The following RMND5A variants were observed in gnomAD, a reference collection of about 807,000 sequenced individuals.
RMND5A encodes the protein E3 ubiquitin-protein transferase RMND5A.
Under a neutral mutation model 49.7 loss-of-function variants are expected in RMND5A, and 17 were observed. That is an observed-to-expected ratio of 0.34 (90% CI 0.23 to 0.51). The LOEUF (loss-of-function observed/expected upper bound fraction) is 0.51, where lower values mean the gene tolerates loss of function less well. Ranked by LOEUF, RMND5A falls within the 20% of genes least tolerant of loss-of-function variation. The probability of loss-of-function intolerance (pLI) is 0.96; values close to 1 mark genes in which losing one functional copy is unlikely to be tolerated. For synonymous variants in RMND5A, 156 were observed against 167.7 expected, an observed-to-expected ratio of 0.93 and a Z score of 0.54; for missense variants, 255 against 471.3, an observed-to-expected ratio of 0.54 and a Z score of 4.25.
rs1313986530 is a variant in RMND5A at position 86,777,079 on chromosome 2, G to T, written c.*3668G>T. On this transcript the variant is annotated 3_prime_UTR_variant, in exon 9 of 9. Coordinates refer to ENST00000283632, the MANE Select transcript of RMND5A (RefSeq NM_022780.4). ...TTAATAGCAGATGAGGCAGTTTTAG[G>T]ATGAATTTTCCACTGTTGATTTTAC... 1 of 152,196 alleles carries T rather than the reference G, an allele frequency of 6.6e-6. No individual in the cohort carries two copies. The highest frequency in any genetic ancestry group is 6.5e-5 in the Admixed American group (1 of 15,286). 9.4% of individuals were successfully genotyped at this position (152,196 alleles called of 1,614,324 possible). A position where few individuals can be genotyped will look rare whatever the true frequency, so the allele number is the denominator to read the frequency against.
intron 5 of RMND5A, 71 bp from the exon 6 acceptor site, chr2:86,765,788 G>T (rs1573444745): frequency 7.5e-7 from 1 of 1,328,070 alleles, no homozygotes; most frequent in African/African-American, 1.4e-5. Flanking sequence ...CAGTATGGGT[G>T]GGGGTATTCT....
At chr2:86,766,256 A>C (rs951993576) in intron 6 of RMND5A, among the ~76,000 whole-genome samples, 2 of 152,178 alleles carry the variant, frequency 1.3e-5, no homozygotes, top group African/African-American at 4.8e-5. Flanking sequence ...CACTGTATTG[A>C]CATTAGTACA....
In RMND5A at chr2:86,771,566, G is replaced by A; in HGVS notation, c.966G>A (p.Val322=). The change falls in exon 8 of 9, where the codon GTG becomes GTA. Residue 322 remains valine, a synonymous_variant. Coordinates refer to ENST00000283632, the MANE Select transcript of RMND5A (RefSeq NM_022780.4). ...TTTTTTTTTTTTAACAGATTGAAGTGGACCTTGGTAAAAAGTGCTGGTATC... is the reference window on the plus strand; with the variant it reads ...TTTTTTTTTTTTAACAGATTGAAGTAGACCTTGGTAAAAAGTGCTGGTATC... ...WNQKDELPIE[V]DLGKKCWYHS... 6.2e-7 allele frequency: 1 copy of A among 1,601,190 alleles called. No individual in the cohort carries two copies. The highest frequency in any genetic ancestry group is 8.5e-7 in the Non-Finnish European group (1 of 1,175,090).
chr2:86,776,824 C>T lies in RMND5A; in HGVS notation c.*3413C>T, dbSNP rs1269089072. 1 of 151,508 alleles carries T rather than the reference C, an allele frequency of 6.6e-6. No homozygotes were observed. The highest frequency in any genetic ancestry group is 1.5e-5 in the Non-Finnish European group (1 of 67,846). 9.4% of individuals were successfully genotyped at this position (151,508 alleles called of 1,614,324 possible). A position where few individuals can be genotyped will look rare whatever the true frequency, so the allele number is the denominator to read the frequency against. On this transcript the variant is annotated 3_prime_UTR_variant, in exon 9 of 9. Coordinates refer to ENST00000283632, the MANE Select transcript of RMND5A (RefSeq NM_022780.4). The stretch of plus-strand genomic sequence containing the variant: ...GTGACGACACAAACCAAATACCTTT[C>T]TTTCATCACTTAACTATACGTACTT...
chr2:86,748,089 T>A (rs1180972377), intron 2 of RMND5A: 1 of 152,208 alleles, frequency 6.6e-6, no homozygotes, highest in Non-Finnish European at 1.5e-5. Flanking sequence ...TTATAGATGG[T>A]ATTTCTCTTC....
intron 4 of RMND5A, among the ~76,000 whole-genome samples, chr2:86,764,750 T>C (rs1292049908): frequency 6.6e-6 from 1 of 152,226 alleles, no homozygotes; most frequent in East Asian, 1.9e-4. Flanking sequence ...CAAAGTGTGG[T>C]CCTATGCAAG....
chr2:86,742,346 G>T (rs1328620425), intron 2 of RMND5A, among the ~76,000 whole-genome samples: 3 of 152,016 alleles, frequency 2.0e-5, no homozygotes, highest in South Asian at 4.2e-4. Context: ...ATTGTGGGGA[G>T]ATTGAGACTT....
chr2:86,756,324 C>CCATTACAT (rs1681738552), intron 4 of RMND5A, among the ~76,000 whole-genome samples: 1 of 152,074 alleles, frequency 6.6e-6, no homozygotes, highest in African/African-American at 2.4e-5. Context: ...GCCCAGGAGG[C>CCATTACAT]GGAGTCTGCA....
chr2:86,764,897 A>T (rs1417940717), intron 4 of RMND5A, 130 bp from the exon 5 acceptor site: 6 of 784,332 alleles, frequency 7.6e-6, no homozygotes, highest in Non-Finnish European at 1.2e-5. Flanking sequence ...GGCCCTAGGG[A>T]TTGATGTTAC....
At chr2:86,761,516 A>G (rs1335064586) in intron 4 of RMND5A, among the ~76,000 whole-genome samples, 2 of 152,126 alleles carry the variant, frequency 1.3e-5, no homozygotes, top group East Asian at 3.9e-4. Flanking sequence ...ATGTGCTTCA[A>G]TGTTTGGGAG....
intron 8 of RMND5A, 37 bp downstream of exon 8, chr2:86,771,749 AT>A: frequency 6.4e-7 from 1 of 1,573,184 alleles, no homozygotes; most frequent in South Asian, 1.1e-5. Flanking sequence ...TAGCAAATAA[AT>A]TTTGTTTTGG....
At chr2:86,757,572 G>A (rs1358856972) in intron 4 of RMND5A, among the ~76,000 whole-genome samples, 1 of 152,170 alleles carries the variant, frequency 6.6e-6, no homozygotes, top group Non-Finnish European at 1.5e-5. Flanking sequence ...TTAATACAAC[G>A]AGGTGGGGGA....
chr2:86,746,148 G>A (rs1031246865), intron 2 of RMND5A, among the ~76,000 whole-genome samples: 2 of 152,168 alleles, frequency 1.3e-5, no homozygotes, highest in African/African-American at 2.4e-5. Flanking sequence ...ATGTTGGTAT[G>A]TGATAAACAA....
At chr2:86,721,020 G>T in intron 1 of RMND5A, 1 of 465,150 alleles carries the variant, frequency 2.1e-6, no homozygotes, top group Non-Finnish European at 3.7e-6. Flanking sequence ...TTCAGAAGGA[G>T]CGCGAACCAC....
At position 86,763,904 on chromosome 2, in the gene RMND5A, A is replaced by T. The variant is rs144234845; in HGVS notation, c.522-1123A>T. Among the ~76,000 whole-genome samples the T allele has an allele frequency of 4.3e-3, 661 of 152,304 alleles. 3 individuals carry two copies. The highest frequency in any genetic ancestry group is 0.014 in the African/African-American group (595 of 41,538). ...TTAGGTAAATATTTCCAAGATCCAG[A>T]TGATTAATATTTTTAAAAATCACTT... On this transcript the variant is annotated intron_variant, in intron 4 of 8. Coordinates refer to ENST00000283632, the MANE Select transcript of RMND5A (RefSeq NM_022780.4).
At chr2:86,762,727 CATATATATCAT>C (rs1558725612) in intron 4 of RMND5A, among the ~76,000 whole-genome samples, 1 of 35,200 alleles carries the variant, frequency 2.8e-5, no homozygotes, top group Non-Finnish European at 6.1e-5. Context: ...TCATATATAT[CATATATATCAT>C]ATATATATAT....
At chr2:86,759,866 A>T (rs1681818068) in intron 4 of RMND5A, among the ~76,000 whole-genome samples, 1 of 152,160 alleles carries the variant, frequency 6.6e-6, no homozygotes, top group African/African-American at 2.4e-5. Context: ...AGTGAGAAAT[A>T]GAAAACGAAT....
At chr2:86,772,419 C>A (rs1390526380) in intron 8 of RMND5A, among the ~76,000 whole-genome samples, 1 of 152,148 alleles carries the variant, frequency 6.6e-6, no homozygotes, top group African/African-American at 2.4e-5. Context: ...TGTGCCACTG[C>A]ACTCCAGCCT....
At chr2:86,755,107 A>G (rs1407585569) in intron 4 of RMND5A, among the ~76,000 whole-genome samples, 1 of 150,376 alleles carries the variant, frequency 6.6e-6, no homozygotes, top group African/African-American at 2.5e-5. Flanking sequence ...ATATGGCAAC[A>G]ACTACTTTTT....
Sources: allele counts gnomAD v4.1 joint callset (sites outside exome capture counted in the v4.1 genomes callset), GRCh38; gene constraint gnomAD v4.1.1; transcripts MANE v1.5; gene names NCBI Gene and HGNC (gene_info 2026-07-23, HGNC 2026-07-21).